The following AFG1L variants were observed in gnomAD, a reference collection of about 807,000 sequenced individuals.
The protein encoded by AFG1L is AFG1-like ATPase.
A neutral mutation model predicts 62.2 loss-of-function variants in AFG1L; 53 were observed. The ratio of observed to expected loss-of-function variants is 0.85; its 90% CI spans 0.68 to 1.07. AFG1L has a LOEUF of 1.07. AFG1L is among the 50% of genes least tolerant of loss of function. AFG1L has a pLI of 0.00. For synonymous variants in AFG1L, 228 were observed against 210.3 expected, an observed-to-expected ratio of 1.08 and a Z score of -0.73; for missense variants, 555 against 590.5, an observed-to-expected ratio of 0.94 and a Z score of 0.62.
At chr6:108,477,781 ATT>A (rs1773172645) in intron 10 of AFG1L, among the ~76,000 whole-genome samples, 2 of 152,188 alleles carry the variant, frequency 1.3e-5, no homozygotes, top group African/African-American at 2.4e-5. Flanking sequence ...TGGCATCTAT[ATT>A]ATATATTAAA....
intron 10 of AFG1L, among the ~76,000 whole-genome samples, chr6:108,508,021 A>G (rs1323845718): frequency 6.6e-6 from 1 of 152,230 alleles, no homozygotes; most frequent in Non-Finnish European, 1.5e-5. Context: ...AGATGGTTTG[A>G]ATACTAATGT....
chr6:108,472,681 C>CT (rs562169670), intron 8 of AFG1L, among the ~76,000 whole-genome samples: 2,210 of 137,982 alleles, frequency 0.016, 40 homozygotes, highest in African/African-American at 0.045. Flanking sequence ...ACCGAGCTAT[C>CT]TTTTTTTTTT....
At chr6:108,346,727 G>T (rs888084853) in intron 2 of AFG1L, among the ~76,000 whole-genome samples, 2 of 152,084 alleles carry the variant, frequency 1.3e-5, no homozygotes, top group African/African-American at 2.4e-5. Flanking sequence ...GTGGAATGGA[G>T]AATATTTGTC....
At chr6:108,298,260 ATTTTTTT>A (rs779200181) in intron 1 of AFG1L, among the ~76,000 whole-genome samples, 7 of 121,502 alleles carry the variant, frequency 5.8e-5, no homozygotes, top group East Asian at 2.2e-4. Flanking sequence ...GAGGGGAAGA[ATTTTTTT>A]TTTTTTTTTT....
At chr6:108,370,272 G>A (rs947654802) in intron 6 of AFG1L, among the ~76,000 whole-genome samples, 27 of 152,260 alleles carry the variant, frequency 1.8e-4, no homozygotes, top group Admixed American at 1.1e-3. Context: ...CCTTCTGGCT[G>A]TAGTTTGGAG....
At chr6:108,477,099 A>G in intron 9 of AFG1L, 93 bp from the exon 10 acceptor site, 1 of 1,000,426 alleles carries the variant, frequency 1.0e-6, no homozygotes, top group South Asian at 1.5e-5. Flanking sequence ...ATCATGTGCT[A>G]TTATTCATCA....
intron 10 of AFG1L, among the ~76,000 whole-genome samples, chr6:108,500,167 C>CGTGTGTGTGTGTGTGT (rs1413385578): frequency 1.4e-5 from 1 of 73,028 alleles, no homozygotes; most frequent in East Asian, 3.8e-4. Context: ...TTCCATGGTG[C>CGTGTGTGTGTGTGTGT]GTGCGTGTGT....
intron 7 of AFG1L, among the ~76,000 whole-genome samples, chr6:108,436,988 C>G (rs1025061444): frequency 2.6e-5 from 4 of 152,108 alleles, no homozygotes; most frequent in Non-Finnish European, 5.9e-5. Context: ...GGTGAGGGCT[C>G]CCTTTCTGAT....
intron 8 of AFG1L, among the ~76,000 whole-genome samples, chr6:108,460,973 A>G (rs1772442262): frequency 6.6e-6 from 1 of 152,154 alleles, no homozygotes. Flanking sequence ...GACAACAACA[A>G]CAACAACAAT....
At chr6:108,303,073 T>C (rs659194) in intron 1 of AFG1L, among the ~76,000 whole-genome samples, 97,718 of 151,932 alleles carry the variant, frequency 0.64, 31,823 homozygotes, top group East Asian at 0.79. Flanking sequence ...CTGCCACACC[T>C]GGCTAATTTT....
intron 8 of AFG1L, among the ~76,000 whole-genome samples, chr6:108,459,281 C>T (rs933854851): frequency 6.6e-6 from 1 of 152,156 alleles, no homozygotes; most frequent in Non-Finnish European, 1.5e-5. Context: ...TGCTAGCCTC[C>T]CCAAATGCTG....
At chr6:108,335,929 T>C (rs746743619) in intron 2 of AFG1L, among the ~76,000 whole-genome samples, 2 of 152,216 alleles carry the variant, frequency 1.3e-5, no homozygotes, top group Non-Finnish European at 2.9e-5. Flanking sequence ...GTTTTAGAGT[T>C]TTAAGCACAC....
chr6:108,296,700 A>T (rs1376016448), intron 1 of AFG1L, among the ~76,000 whole-genome samples: 3 of 152,234 alleles, frequency 2.0e-5, no homozygotes, highest in African/African-American at 7.2e-5. Context: ...TCATATGAAT[A>T]GAACTGCCTC....
intron 6 of AFG1L, among the ~76,000 whole-genome samples, chr6:108,398,136 A>C (rs982947632): frequency 1.3e-5 from 2 of 152,108 alleles, no homozygotes; most frequent in Non-Finnish European, 2.9e-5. Context: ...TGTCTGTTTA[A>C]AAGCCATTTT....
chr6:108,373,965 A>T (rs1780131086), intron 6 of AFG1L, among the ~76,000 whole-genome samples: 1 of 152,182 alleles, frequency 6.6e-6, no homozygotes, highest in African/African-American at 2.4e-5. Flanking sequence ...ATGGTGTATA[A>T]GCATTCCCTT....
At chr6:108,373,925 C>T (rs1266698139) in intron 6 of AFG1L, among the ~76,000 whole-genome samples, 1 of 152,170 alleles carries the variant, frequency 6.6e-6, no homozygotes, top group African/African-American at 2.4e-5. Flanking sequence ...CTGCTTTCCA[C>T]AGTGGCTGAA....
chr6:108,363,835 T>TA (rs1247237348), intron 5 of AFG1L, among the ~76,000 whole-genome samples: 2 of 152,260 alleles, frequency 1.3e-5, no homozygotes, highest in East Asian at 1.9e-4. Flanking sequence ...AAACTGCTAA[T>TA]AAAAAATAGG....
chr6:108,311,214 G>T (rs896619017), intron 1 of AFG1L, among the ~76,000 whole-genome samples: 1 of 152,146 alleles, frequency 6.6e-6, no homozygotes, highest in Admixed American at 6.6e-5. Flanking sequence ...AACTGAACTT[G>T]TTCTGTTTTT....
intron 6 of AFG1L, among the ~76,000 whole-genome samples, chr6:108,380,202 A>C (rs970033869): frequency 6.6e-6 from 1 of 151,694 alleles, no homozygotes; most frequent in Non-Finnish European, 1.5e-5. Flanking sequence ...TGAACCCGGC[A>C]AACAGGTGTT....
Sources: allele counts gnomAD v4.1 joint callset (sites outside exome capture counted in the v4.1 genomes callset), GRCh38; gene constraint gnomAD v4.1.1; transcripts MANE v1.5; gene names NCBI Gene and HGNC (gene_info 2026-07-23, HGNC 2026-07-21).